Variants in SLF2 observed in about 807,000 individuals in gnomAD.
SLF2 encodes the protein SMC5-SMC6 complex localization factor protein 2.
In SLF2, 68 loss-of-function variants were observed where a neutral mutation model predicts 124.3. The observed-to-expected ratio is 0.55, with a 90% CI of 0.45 to 0.67. The LOEUF is 0.67. Ranked by LOEUF, SLF2 falls within the 30% of genes least tolerant of loss-of-function variation. SLF2 has a pLI of 0.00. For synonymous variants in SLF2, 480 were observed against 478.8 expected (o/e 1.00, Z -0.03); for missense variants, 1,246 against 1,373.7 (o/e 0.91, Z 1.47).
rs770381406 is a variant in SLF2, at chr10:100,950,095, A to G, written c.3140A>G (p.Tyr1047Cys). Residue 1047 changes from tyrosine to cysteine, a missense_variant, in exon 16 of 20, where the codon TAT becomes TGT. By Grantham distance (194) the Tyr-to-Cys change is radical. Around this residue, in one of 3 missense-constraint regions of SLF2, gnomAD observed 535 missense variants for 632.8 expected, o/e 0.85. Transcript: ENST00000238961. ...SNLQVSVLHR[Y>C]LVQMKPSDLL... ...TGATAGGTATCAGTCCTACATCGCTATCTTGTGCAGATGAAGCCTTCTGAT... is the reference window on the plus strand; with the variant it reads ...TGATAGGTATCAGTCCTACATCGCTGTCTTGTGCAGATGAAGCCTTCTGAT... The G allele has an allele frequency of 3.7e-6, 6 of 1,613,302 alleles. No individual in the cohort carries two copies. The highest frequency in any genetic ancestry group is 1.7e-5 in the Admixed American group (1 of 59,920).
chr10:100,937,549 G>A, intron 10 of SLF2, 72 bp downstream of exon 10: 2 of 913,840 alleles, frequency 2.2e-6, no homozygotes, highest in East Asian at 4.8e-5. Context: ...CTTTCACATT[G>A]CTAAATGTTA....
At chr10:100,943,958 C>T in intron 11 of SLF2, 68 bp from the exon 12 acceptor site, 7 of 971,654 alleles carry the variant, frequency 7.2e-6, no homozygotes, top group Middle Eastern at 2.2e-4. Flanking sequence ...AAAAGTAGCC[C>T]AGAATTTCTT....
intron 3 of SLF2, 116 bp downstream of exon 3, chr10:100,917,416 C>T (rs1444195619): frequency 3.4e-6 from 4 of 1,168,224 alleles, no homozygotes; most frequent in Non-Finnish European, 4.6e-6. Context: ...GAAGGAAATA[C>T]TTATGCACAG....
chr10:100,953,098 C>T (rs1850251835), intron 17 of SLF2, among the ~76,000 whole-genome samples: 1 of 151,612 alleles, frequency 6.6e-6, no homozygotes, highest in Admixed American at 6.6e-5. Context: ...TCACTGCAAC[C>T]TCTGCCTCCC....
At chr10:100,927,903 CTT>C (rs1169793348) in intron 6 of SLF2, among the ~76,000 whole-genome samples, 1 of 151,796 alleles carries the variant, frequency 6.6e-6, no homozygotes, top group African/African-American at 2.4e-5. Context: ...GGAGAAATGT[CTT>C]TTCAGATTCT....
intron 10 of SLF2, 86 bp downstream of exon 10, chr10:100,937,563 T>C: frequency 2.3e-6 from 2 of 868,534 alleles, no homozygotes; most frequent in South Asian, 1.4e-5. Context: ...AATGTTAGTA[T>C]ATTTGGAAAT....
chr10:100,946,962 G>A (rs1850116154), intron 13 of SLF2, 77 bp from the exon 14 acceptor site: 3 of 1,106,212 alleles, frequency 2.7e-6, no homozygotes, highest in South Asian at 1.3e-5. Context: ...ATGTCAAGAA[G>A]GGTTGTAGAT....
At chr10:100,927,676 A>G (rs1037477528) in intron 6 of SLF2, among the ~76,000 whole-genome samples, 8 of 152,186 alleles carry the variant, frequency 5.3e-5, no homozygotes, top group African/African-American at 1.9e-4. Flanking sequence ...TGTTTTCCAC[A>G]ATGGCTGCAC....
chr10:100,917,900 C>T (rs1004625748), intron 3 of SLF2, among the ~76,000 whole-genome samples: 2 of 151,992 alleles, frequency 1.3e-5, no homozygotes, highest in Non-Finnish European at 1.5e-5. Context: ...AGCCACATAT[C>T]GAGACCTTGG....
chr10:100,950,525 T>C, intron 16 of SLF2, 151 bp from the exon 17 acceptor site: 1 of 673,320 alleles, frequency 1.5e-6, no homozygotes, highest in Non-Finnish European at 2.5e-6. Flanking sequence ...TGAGAAAGCC[T>C]AGTTTAGATG....
chr10:100,951,361 C>T (rs980488507), intron 17 of SLF2, among the ~76,000 whole-genome samples: 1 of 152,224 alleles, frequency 6.6e-6, no homozygotes, highest in Non-Finnish European at 1.5e-5. Flanking sequence ...TCACCAAATA[C>T]CAAATGGGCT....
chr10:100,926,320 A>G (rs971116123), intron 6 of SLF2: 2 of 1,438,140 alleles, frequency 1.4e-6, no homozygotes, highest in Non-Finnish European at 1.8e-6. Flanking sequence ...AATGAAAAAA[A>G]GAGGCCAGGT....
chr10:100,919,001 C>CTT (rs528512219), intron 4 of SLF2, among the ~76,000 whole-genome samples: 11,374 of 104,474 alleles, frequency 0.11, 2,790 homozygotes, highest in East Asian at 0.36. Flanking sequence ...GAAACATAAT[C>CTT]TTTTTTTTTT....
Position 100,956,553 on chromosome 10 carries a change from C to CT in SLF2, c.3417+23dup, listed in dbSNP as rs751251850. On this transcript the variant is annotated intron_variant, in intron 18 of 19. Transcript: ENST00000238961. ...CAGAACTAAGGTAAGTGTGTTCTTT[C>CT]TTTTTTTCTTTTTTTTTTTCTTAAT... The CT allele has an allele frequency of 7.9e-5, 119 of 1,512,534 alleles. No homozygotes were observed. Among genetic ancestry groups the CT allele is most frequent in the Non-Finnish European group, 9.9e-5 (110 of 1,112,854 alleles). 93.7% of individuals were successfully genotyped at this position (1,512,534 alleles called of 1,614,324 possible). A position where few individuals can be genotyped will look rare whatever the true frequency, so the allele number is the denominator to read the frequency against.
At chr10:100,918,077 C>G (rs1264877306) in intron 3 of SLF2, among the ~76,000 whole-genome samples, 2 of 152,040 alleles carry the variant, frequency 1.3e-5, no homozygotes, top group East Asian at 3.9e-4. Flanking sequence ...CAGAGCGAGA[C>G]CTTGTCTCAA....
intron 17 of SLF2, among the ~76,000 whole-genome samples, chr10:100,955,462 T>G (rs1850312782): frequency 6.6e-6 from 1 of 152,074 alleles, no homozygotes; most frequent in Non-Finnish European, 1.5e-5. Context: ...AAATATCAAA[T>G]GGGCCAGTGT....
At chr10:100,961,832 G>A in intron 19 of SLF2, 45 bp from the exon 20 acceptor site, 1 of 1,556,696 alleles carries the variant, frequency 6.4e-7, no homozygotes, top group Non-Finnish European at 8.8e-7. Context: ...TTCATAATAT[G>A]ATTAAATTTT....
chr10:100,919,976 G>T (rs949358829), intron 4 of SLF2, among the ~76,000 whole-genome samples: 1 of 152,212 alleles, frequency 6.6e-6, no homozygotes, highest in East Asian at 1.9e-4. Flanking sequence ...TCAATCTTCA[G>T]CCAAGGCTGA....
chr10:100,949,759 C>A (rs1378441646), intron 15 of SLF2, among the ~76,000 whole-genome samples: 1 of 152,034 alleles, frequency 6.6e-6, no homozygotes, highest in Non-Finnish European at 1.5e-5. Flanking sequence ...CCATGCCCAG[C>A]TAATTTTTGT....
Sources: allele counts gnomAD v4.1 joint callset (sites outside exome capture counted in the v4.1 genomes callset), GRCh38; gene constraint gnomAD v4.1.1; regional missense constraint gnomAD v4.1.1; transcripts MANE v1.5; gene names NCBI Gene and HGNC (gene_info 2026-07-23, HGNC 2026-07-21).